Variants in MICU2 observed in about 807,000 individuals in gnomAD.
MICU2 encodes the protein calcium uptake protein 2, mitochondrial.
A neutral mutation model predicts 60.4 loss-of-function variants in MICU2; 64 were observed. The observed-to-expected ratio is 1.06, with a 90% CI of 0.87 to 1.31. MICU2 has a LOEUF of 1.31. Among genes scored for constraint, MICU2 ranks in the 50% most tolerant of loss-of-function variants. MICU2 has a pLI of 0.00. For missense variants in MICU2, 569 were observed against 531.0 expected (o/e 1.07, Z -0.70); for synonymous variants, 201 against 175.0 (o/e 1.15, Z -1.17).
At chr13:21,554,139 T>G (rs1035161809) in intron 2 of MICU2, among the ~76,000 whole-genome samples, 1 of 152,024 alleles carries the variant, frequency 6.6e-6, no homozygotes, top group African/African-American at 2.4e-5. Flanking sequence ...AGAAAGTTAA[T>G]AAGGATATCC....
chr13:21,564,851 T>C (rs1887937202), intron 2 of MICU2, among the ~76,000 whole-genome samples: 1 of 152,192 alleles, frequency 6.6e-6, no homozygotes, highest in African/African-American at 2.4e-5. Context: ...CAAAAGCGTA[T>C]GGGCTTCTCC....
intron 9 of MICU2, among the ~76,000 whole-genome samples, chr13:21,498,754 A>C (rs1223493329): frequency 6.6e-6 from 1 of 151,874 alleles, no homozygotes; most frequent in Admixed American, 6.6e-5. Context: ...CAATCTCTTC[A>C]CATATTTCTG....
chr13:21,576,020 G>A (rs1360967833), intron 1 of MICU2, among the ~76,000 whole-genome samples: 2 of 152,134 alleles, frequency 1.3e-5, no homozygotes, highest in African/African-American at 2.4e-5. Context: ...ACTCCCTAGT[G>A]GGGAAGGCAT....
intron 1 of MICU2, among the ~76,000 whole-genome samples, chr13:21,598,715 C>G (rs1888750228): frequency 6.6e-6 from 1 of 151,404 alleles, no homozygotes; most frequent in South Asian, 2.1e-4. Flanking sequence ...GACTCCATCT[C>G]CAAAAAAAGA....
chr13:21,561,796 G>A (rs1468941036), intron 2 of MICU2, among the ~76,000 whole-genome samples: 8 of 144,304 alleles, frequency 5.5e-5, no homozygotes, highest in Admixed American at 4.9e-4. Flanking sequence ...GTGCCATGCT[G>A]GTGTGCTGCA....
chr13:21,548,921 GTTT>G (rs34908034), intron 2 of MICU2, among the ~76,000 whole-genome samples: 2 of 86,316 alleles, frequency 2.3e-5, no homozygotes, highest in Non-Finnish European at 4.3e-5. Context: ...AAGTTTGAGA[GTTT>G]TTTTTTTTTT....
chr13:21,602,774 T>A (rs1277860332), intron 1 of MICU2: 1 of 152,196 alleles, frequency 6.6e-6, no homozygotes, highest in Non-Finnish European at 1.5e-5. Flanking sequence ...TTTTGTTGTA[T>A]CTGAATGTTC....
Position 21,552,903 on chromosome 13 carries a change from C to G in MICU2, c.359-13215G>C, listed in dbSNP as rs906533999. ...TGTTCTTTTGGCTTAGGATTGACTT[C>G]GCAATGCGGGCTCTTTTTTGGTTCC... is the stretch of plus-strand genomic sequence containing the variant. On this transcript the variant is annotated intron_variant, in intron 2 of 11. Transcript: ENST00000382374. 7.9e-3 allele frequency among the ~76,000 whole-genome samples: 1,205 copies of G among 152,106 alleles called. 8 individuals are homozygous for G. Among genetic ancestry groups the G allele is most frequent in the African/African-American group, 0.018 (749 of 41,514 alleles).
At chr13:21,584,184 T>TC (rs1888409560) in intron 1 of MICU2, among the ~76,000 whole-genome samples, 1 of 151,832 alleles carries the variant, frequency 6.6e-6, no homozygotes, top group South Asian at 2.1e-4. Context: ...GGTCAGGAGA[T>TC]CGAGACCATC....
At chr13:21,517,386 A>G (rs931773141) in intron 6 of MICU2, among the ~76,000 whole-genome samples, 4 of 152,222 alleles carry the variant, frequency 2.6e-5, no homozygotes, top group South Asian at 2.1e-4. Context: ...TACTAGGAAA[A>G]CATTTAGATA....
chr13:21,529,887 T>C (rs1471892022), intron 4 of MICU2, among the ~76,000 whole-genome samples: 1 of 152,160 alleles, frequency 6.6e-6, no homozygotes, highest in Non-Finnish European at 1.5e-5. Flanking sequence ...GTAGATGTGT[T>C]GGAGGGATGG....
chr13:21,506,787 A>G (rs1042627533), intron 8 of MICU2, among the ~76,000 whole-genome samples: 1 of 152,126 alleles, frequency 6.6e-6, no homozygotes, highest in Non-Finnish European at 1.5e-5. Context: ...CCCTCCCTTC[A>G]GGGACCTTGC....
At chr13:21,514,105 TCA>T (rs1466129451) in intron 7 of MICU2, among the ~76,000 whole-genome samples, 1 of 152,194 alleles carries the variant, frequency 6.6e-6, no homozygotes, top group African/African-American at 2.4e-5. Context: ...TGTGCAAACA[TCA>T]GAGTGTACTT....
chr13:21,603,559 T>C (rs1420229373), intron 1 of MICU2: 1 of 259,910 alleles, frequency 3.8e-6, no homozygotes, highest in Non-Finnish European at 7.3e-6. Context: ...CGGATGTGAA[T>C]GCCACTTCAC....
chr13:21,585,963 G>C (rs534539706), intron 1 of MICU2, among the ~76,000 whole-genome samples: 3 of 151,910 alleles, frequency 2.0e-5, no homozygotes, highest in Non-Finnish European at 4.4e-5. Context: ...TATATTACTT[G>C]TATTAAACTC....
At chr13:21,527,901 T>C (rs375524342) in intron 4 of MICU2, among the ~76,000 whole-genome samples, 7 of 152,142 alleles carry the variant, frequency 4.6e-5, no homozygotes, top group African/African-American at 1.7e-4. Flanking sequence ...ATGAATAAAT[T>C]CTGTCAGTTA....
At chr13:21,589,923 G>A (rs1381784903) in intron 1 of MICU2, among the ~76,000 whole-genome samples, 3 of 152,148 alleles carry the variant, frequency 2.0e-5, no homozygotes, top group East Asian at 3.8e-4. Flanking sequence ...CCAAGTGTGC[G>A]CTCACCATTG....
intron 2 of MICU2, among the ~76,000 whole-genome samples, chr13:21,556,549 G>A (rs1298709399): frequency 2.0e-5 from 3 of 152,156 alleles, no homozygotes; most frequent in East Asian, 3.8e-4. Context: ...TCAGGAGAGC[G>A]AAGACATGAG....
intron 1 of MICU2, among the ~76,000 whole-genome samples, chr13:21,602,318 C>A (rs1419999852): frequency 6.6e-6 from 1 of 151,924 alleles, no homozygotes; most frequent in Admixed American, 6.6e-5. Flanking sequence ...GTCAGGAGAT[C>A]GAGACCATCC....
Sources: allele counts gnomAD v4.1 joint callset (sites outside exome capture counted in the v4.1 genomes callset), GRCh38; gene constraint gnomAD v4.1.1; transcripts MANE v1.5; gene names NCBI Gene and HGNC (gene_info 2026-07-23, HGNC 2026-07-21).